LRMDA: variants seen among roughly 807,000 people sequenced by gnomAD.
LRMDA encodes the protein leucine-rich melanocyte differentiation-associated protein.
Under a neutral mutation model 29.8 loss-of-function variants are expected in LRMDA, and 18 were observed. That is an observed-to-expected ratio of 0.60 (90% confidence interval 0.42 to 0.90). The LOEUF is 0.90. Among genes scored for constraint, LRMDA ranks in the 40% least tolerant of loss-of-function variants. The pLI, the probability that LRMDA is intolerant of heterozygous loss-of-function variation, is 0.00. For missense variants in LRMDA, 273 were observed against 273.9 expected (o/e 1.00, Z 0.02); for synonymous variants, 125 against 109.4 (o/e 1.14, Z -0.89).
intron 6 of LRMDA, chr10:76,464,710 T>G (rs1010977360): frequency 1.3e-5 from 2 of 152,338 alleles, no homozygotes; most frequent in Non-Finnish European, 1.5e-5. Context: ...TTAAAATGTC[T>G]GAAACATTTT....
At chr10:75,991,501 T>C (rs1329282102) in intron 2 of LRMDA, among the ~76,000 whole-genome samples, 2 of 152,218 alleles carry the variant, frequency 1.3e-5, no homozygotes, top group Non-Finnish European at 2.9e-5. Context: ...AAAATCAACA[T>C]GTCATAACAG....
chr10:76,057,372 A>G (rs1343717245), intron 4 of LRMDA, among the ~76,000 whole-genome samples: 1 of 152,184 alleles, frequency 6.6e-6, no homozygotes, highest in Non-Finnish European at 1.5e-5. Flanking sequence ...TGATCAAGAA[A>G]TATCTGTGCA....
chr10:76,444,961 A>G (rs1014372416), intron 6 of LRMDA, among the ~76,000 whole-genome samples: 1 of 152,098 alleles, frequency 6.6e-6, no homozygotes, highest in African/African-American at 2.4e-5. Context: ...ATTTATATCC[A>G]TATATATTTA....
intron 5 of LRMDA, among the ~76,000 whole-genome samples, chr10:76,073,803 C>T (rs1848913506): frequency 6.6e-6 from 1 of 152,142 alleles, no homozygotes; most frequent in South Asian, 2.1e-4. Context: ...AAATGAGTTT[C>T]CTAGAGTCTT....
intron 2 of LRMDA, among the ~76,000 whole-genome samples, chr10:75,471,989 C>A (rs974144529): frequency 1.3e-5 from 2 of 152,132 alleles, no homozygotes; most frequent in African/African-American, 4.8e-5. Context: ...AACCCCTCAT[C>A]TTCCCCTCTT....
chr10:76,167,957 A>G (rs1004924256), intron 5 of LRMDA, among the ~76,000 whole-genome samples: 4 of 152,058 alleles, frequency 2.6e-5, no homozygotes, highest in Non-Finnish European at 5.9e-5. Flanking sequence ...TTATCCTTTT[A>G]GAGGTCTTTC....
At chr10:75,764,137 T>C (rs1294049408) in intron 2 of LRMDA, among the ~76,000 whole-genome samples, 1 of 152,140 alleles carries the variant, frequency 6.6e-6, no homozygotes, top group Non-Finnish European at 1.5e-5. Flanking sequence ...GCCTCTCCCT[T>C]TCTAGCTCTC....
intron 2 of LRMDA, among the ~76,000 whole-genome samples, chr10:75,786,495 T>C (rs894753801): frequency 6.6e-6 from 1 of 152,222 alleles, no homozygotes; most frequent in Non-Finnish European, 1.5e-5. Flanking sequence ...ACTGTTTTTA[T>C]TGTTCATTGG....
At chr10:76,042,211 T>C (rs939635652) in intron 3 of LRMDA, among the ~76,000 whole-genome samples, 2 of 152,032 alleles carry the variant, frequency 1.3e-5, no homozygotes, top group Non-Finnish European at 2.9e-5. Context: ...AGGGAGGAGG[T>C]GCTAGTGCTT....
intron 5 of LRMDA, among the ~76,000 whole-genome samples, chr10:76,199,252 C>T (rs1016746515): frequency 6.6e-6 from 1 of 152,146 alleles, no homozygotes; most frequent in African/African-American, 2.4e-5. Flanking sequence ...TCCAGGGGTT[C>T]TCAAACATGT....
intron 2 of LRMDA, among the ~76,000 whole-genome samples, chr10:75,766,537 C>T (rs1843170677): frequency 6.6e-6 from 1 of 152,108 alleles, no homozygotes; most frequent in African/African-American, 2.4e-5. Flanking sequence ...CCGAACCCTT[C>T]CCTGGGATTT....
At chr10:76,089,718 G>A (rs1022363177) in intron 5 of LRMDA, among the ~76,000 whole-genome samples, 2 of 152,030 alleles carry the variant, frequency 1.3e-5, no homozygotes, top group Non-Finnish European at 1.5e-5. Flanking sequence ...CCATATGCAC[G>A]GAACAACCAC....
chr10:76,165,391 T>G (rs1445598744), intron 5 of LRMDA, among the ~76,000 whole-genome samples: 1 of 152,202 alleles, frequency 6.6e-6, no homozygotes, highest in East Asian at 1.9e-4. Flanking sequence ...CCTGCTTCAG[T>G]CTCCCAAGTA....
intron 6 of LRMDA, among the ~76,000 whole-genome samples, chr10:76,545,979 A>G (rs771990601): frequency 1.4e-4 from 21 of 152,266 alleles, no homozygotes; most frequent in South Asian, 6.2e-4. Flanking sequence ...TGGAATCAGA[A>G]ACTCTGGGGA....
intron 2 of LRMDA, among the ~76,000 whole-genome samples, chr10:75,805,532 T>A (rs1843836289): frequency 6.6e-6 from 1 of 152,254 alleles, no homozygotes; most frequent in East Asian, 1.9e-4. Flanking sequence ...GCAAAAGTCA[T>A]GAGTAGAATG....
At chr10:75,678,640 T>C (rs924747316) in intron 2 of LRMDA, among the ~76,000 whole-genome samples, 1 of 152,254 alleles carries the variant, frequency 6.6e-6, no homozygotes, top group Non-Finnish European at 1.5e-5. Context: ...TTTCCTCTTC[T>C]TCATTTGCTT....
At chr10:75,530,125 A>G (rs1343563499) in intron 2 of LRMDA, among the ~76,000 whole-genome samples, 1 of 151,916 alleles carries the variant, frequency 6.6e-6, no homozygotes, top group Non-Finnish European at 1.5e-5. Context: ...TTTAAAAAAT[A>G]TATAAAACTT....
rs561373612 is a variant in LRMDA at position 76,208,031 on chromosome 10, T to A, written c.517-116370T>A. On this transcript the variant is annotated intron_variant, in intron 5 of 6. Transcript: ENST00000611255. ...AAGGCACCTCCCTCTAGACCTTCCA[T>A]ACTCAGCTGCTCTCACCAAGATGCA... Among the ~76,000 whole-genome samples, 5 of 152,286 alleles carry A rather than the reference T, an allele frequency of 3.3e-5. No homozygotes were observed. In the East Asian group the frequency reaches 7.7e-4, roughly 24 times the overall value.
chr10:76,509,937 A>T (rs1842993692), intron 6 of LRMDA, among the ~76,000 whole-genome samples: 1 of 152,226 alleles, frequency 6.6e-6, no homozygotes, highest in South Asian at 2.1e-4. Context: ...TGTAAAGGAC[A>T]GCTCAAAGCT....
Sources: gnomAD v4.1 joint callset for allele counts (sites outside exome capture counted in the v4.1 genomes callset) on GRCh38, gnomAD v4.1.1 for gene constraint, MANE v1.5 for transcripts, NCBI Gene and HGNC (gene_info 2026-07-23, HGNC 2026-07-21) for gene names.